Variants in DAPK1 observed in about 807,000 individuals in gnomAD.
The protein encoded by DAPK1 is death associated protein kinase 1.
In DAPK1, 56 loss-of-function variants were observed where a neutral mutation model predicts 144.9. The observed-to-expected ratio is 0.39, with a 90% CI of 0.31 to 0.48. The LOEUF (loss-of-function observed/expected upper bound fraction) is 0.48, where lower values mean the gene tolerates loss of function less well. Ranked by LOEUF, DAPK1 falls within the 20% of genes least tolerant of loss-of-function variation. The pLI is 0.95. For missense variants in DAPK1, 1,454 were observed against 1,875.4 expected (o/e 0.78, Z 4.15); for synonymous variants, 690 against 749.0 (o/e 0.92, Z 1.29).
intron 19 of DAPK1, among the ~76,000 whole-genome samples, chr9:87,676,380 AG>A (rs1338771039): frequency 6.6e-6 from 1 of 152,164 alleles, no homozygotes; most frequent in Non-Finnish European, 1.5e-5. Context: ...TTTCCCAGGG[AG>A]AGGCCTCTGC....
chr9:87,689,788 T>C (rs964675270), intron 21 of DAPK1, among the ~76,000 whole-genome samples: 1 of 152,160 alleles, frequency 6.6e-6, no homozygotes, highest in Non-Finnish European at 1.5e-5. Flanking sequence ...TGTGTTCTTA[T>C]TGCCTCTGTC....
intron 16 of DAPK1, among the ~76,000 whole-genome samples, chr9:87,650,885 G>A (rs1398186125): frequency 2.0e-5 from 3 of 152,176 alleles, no homozygotes; most frequent in African/African-American, 2.4e-5. Flanking sequence ...GAATCACCCA[G>A]CTCCAAATGC....
chr9:87,693,275 TA>T (rs902493651), intron 21 of DAPK1, among the ~76,000 whole-genome samples: 5 of 151,980 alleles, frequency 3.3e-5, no homozygotes, highest in African/African-American at 9.7e-5. Flanking sequence ...TTTTTATTTT[TA>T]TTTTTTTAAT....
At chr9:87,701,030 G>C (rs995801698) in intron 24 of DAPK1, among the ~76,000 whole-genome samples, 3 of 152,076 alleles carry the variant, frequency 2.0e-5, no homozygotes, top group African/African-American at 4.8e-5. Context: ...AGGGGATTGG[G>C]ATTTTTATCT....
intron 3 of DAPK1, among the ~76,000 whole-genome samples, chr9:87,608,203 A>G (rs539381588): frequency 1.1e-3 from 163 of 152,300 alleles, no homozygotes; most frequent in African/African-American, 3.7e-3. Flanking sequence ...GAGCCAAACC[A>G]TATCACTACT....
At chr9:87,639,514 G>A (rs763166265) in intron 5 of DAPK1, 31 bp downstream of exon 5, 12 of 1,610,412 alleles carry the variant, frequency 7.5e-6, no homozygotes, top group Admixed American at 3.4e-5. Context: ...GGTCATTTAC[G>A]TCTCATAAAC....
intron 18 of DAPK1, among the ~76,000 whole-genome samples, chr9:87,665,812 A>T (rs1187971525): frequency 6.6e-6 from 1 of 152,176 alleles, no homozygotes; most frequent in African/African-American, 2.4e-5. Flanking sequence ...CTGCTGGTGC[A>T]CAAGAGACAC....
intron 18 of DAPK1, among the ~76,000 whole-genome samples, chr9:87,665,725 C>T (rs1321600506): frequency 3.9e-5 from 6 of 152,178 alleles, no homozygotes; most frequent in Non-Finnish European, 8.8e-5. Context: ...GGCCTTTCAC[C>T]TTTCCATGGA....
chr9:87,523,519 C>G (rs1825379024), intron 2 of DAPK1, among the ~76,000 whole-genome samples: 1 of 152,178 alleles, frequency 6.6e-6, no homozygotes, highest in South Asian at 2.1e-4. Flanking sequence ...AGGCTGGTCT[C>G]AAACTCTTGG....
chr9:87,703,178 C>T lies in DAPK1; in HGVS notation c.3021C>T (p.Asp1007=), dbSNP rs761469767. 6.2e-7 allele frequency: 1 copy of T among 1,612,742 alleles called. No individual in the cohort carries two copies. The highest frequency in any genetic ancestry group is 1.1e-5 in the South Asian group (1 of 91,070). The stretch of plus-strand genomic sequence containing the variant: ...TGAACCCCCTGGCCAGCGAGGAGGA[C>T]CTCAGGCGCATTGCTCAGCAGCTCC... ...DQLNPLASEE[D]LRRIAQQLHS... is the part of the protein sequence containing the mutation. Residue 1007 remains aspartate (D), a synonymous_variant, in exon 25 of 26, where the codon GAC becomes GAT. Coordinates refer to ENST00000408954, the MANE Select transcript of DAPK1 (RefSeq NM_004938.4).
chr9:87,696,776 C>T (rs565921195), intron 21 of DAPK1, among the ~76,000 whole-genome samples: 1 of 152,134 alleles, frequency 6.6e-6, no homozygotes, highest in Non-Finnish European at 1.5e-5. Context: ...CACTTAGGAC[C>T]CAAACACCTC....
In DAPK1 at chr9:87,640,367, C is replaced by T; in HGVS notation, c.699C>T (p.Asn233=). ...CGTTAGCAAATGTATCCGCTGTCAACTACGAATTTGAGGATGAATACTTCA... is the reference window on the plus strand; with the variant it reads ...CGTTAGCAAATGTATCCGCTGTCAATTACGAATTTGAGGATGAATACTTCA... ...QETLANVSAV[N]YEFEDEYFSN... The change falls in exon 8 of 26, where the codon AAC becomes AAT. Residue 233 remains asparagine (N), a synonymous_variant. Coordinates refer to ENST00000408954, the MANE Select transcript of DAPK1 (RefSeq NM_004938.4). 1 of 1,614,212 alleles carries T rather than the reference C, an allele frequency of 6.2e-7. No homozygotes were observed. The highest frequency in any genetic ancestry group is 8.5e-7 in the Non-Finnish European group (1 of 1,179,998).
At chr9:87,509,326 A>G (rs750979843) in intron 2 of DAPK1, among the ~76,000 whole-genome samples, 1 of 152,160 alleles carries the variant, frequency 6.6e-6, no homozygotes, top group Non-Finnish European at 1.5e-5. Context: ...ATTGGCCTAT[A>G]AATCAGTATA....
At chr9:87,604,885 A>T (rs1394138389) in intron 2 of DAPK1, 69 bp from the exon 3 acceptor site, 1 of 1,449,488 alleles carries the variant, frequency 6.9e-7, no homozygotes, top group African/African-American at 1.4e-5. Context: ...CCTCTGCACC[A>T]TGCCACATCC....
chr9:87,651,656 A>G lies in DAPK1; in HGVS notation c.1756A>G (p.Lys586Glu). Reference protein sequence around the residue: ...HGNTPLHVACKDGNMPIVVAL... With the variant: ...HGNTPLHVACEDGNMPIVVAL... ...CAATACTCCCCTCCATGTGGCATGTAAAGATGGCAACATGCCTATCGTGGT... is the reference window on the plus strand; with the variant it reads ...CAATACTCCCCTCCATGTGGCATGTGAAGATGGCAACATGCCTATCGTGGT... The change falls in exon 17 of 26, where the codon AAA (lysine) becomes GAA (glutamate). Residue 586 changes from lysine (K) to glutamate (E), a missense_variant. This residue lies in a region of DAPK1 where 1,025 missense variants were observed against 1,237.9 expected (regional missense o/e 0.83). Transcript: ENST00000408954. 1 of 1,614,204 alleles carries G rather than the reference A, an allele frequency of 6.2e-7. No individual in the cohort carries two copies. Among genetic ancestry groups the G allele is most frequent in the Non-Finnish European group, 8.5e-7 (1 of 1,180,014 alleles).
At chr9:87,677,230 G>A (rs1444549819) in intron 19 of DAPK1, among the ~76,000 whole-genome samples, 1 of 152,194 alleles carries the variant, frequency 6.6e-6, no homozygotes, top group African/African-American at 2.4e-5. Context: ...AACCAGCATT[G>A]CCCTGCGTGG....
intron 3 of DAPK1, among the ~76,000 whole-genome samples, chr9:87,608,121 A>T (rs1828799406): frequency 6.6e-6 from 1 of 152,142 alleles, no homozygotes; most frequent in African/African-American, 2.4e-5. Context: ...CCTATGATTC[A>T]TTCACCTCCC....
intron 19 of DAPK1, among the ~76,000 whole-genome samples, chr9:87,677,035 G>A (rs957289810): frequency 5.3e-5 from 8 of 152,186 alleles, no homozygotes; most frequent in South Asian, 2.1e-4. Context: ...TAACCACAAA[G>A]GTTCCTTGGA....
intron 2 of DAPK1, among the ~76,000 whole-genome samples, chr9:87,546,007 A>G (rs1230878931): frequency 6.6e-6 from 1 of 152,130 alleles, no homozygotes; most frequent in East Asian, 1.9e-4. Context: ...TGCAGTACAG[A>G]TTCTCAGTAC....
Sources: gnomAD v4.1 joint callset for allele counts (sites outside exome capture counted in the v4.1 genomes callset) on GRCh38, gnomAD v4.1.1 for gene constraint, gnomAD v4.1.1 regional missense constraint, MANE v1.5 for transcripts, NCBI Gene and HGNC (gene_info 2026-07-23, HGNC 2026-07-21) for gene names.